The following DLST variants were observed in gnomAD, a reference collection of about 807,000 sequenced individuals.
DLST encodes dihydrolipoyllysine-residue succinyltransferase component of 2-oxoglutarate dehydrogenase complex, mitochondrial.
A neutral mutation model predicts 53.1 loss-of-function variants in DLST; 17 were observed. The observed-to-expected ratio is 0.32, with a 90% CI of 0.22 to 0.48. The LOEUF is 0.48. Among genes scored for constraint, DLST ranks in the 20% least tolerant of loss-of-function variants. DLST has a pLI of 0.99. For synonymous variants in DLST, 206 were observed against 204.8 expected (o/e 1.01, Z -0.05); for missense variants, 512 against 583.9 (o/e 0.88, Z 1.27).
chr14:74,902,417 G>C lies in DLST; in HGVS notation c.*87G>C. 6.8e-7 allele frequency: 1 copy of C among 1,467,420 alleles called. No individual in the cohort carries two copies. Among genetic ancestry groups the C allele is most frequent in the South Asian group, 1.5e-5 (1 of 68,786 alleles). 90.9% of individuals were successfully genotyped at this position (1,467,420 alleles called of 1,614,324 possible). A position where few individuals can be genotyped will look rare whatever the true frequency, so the allele number is the denominator to read the frequency against. ...CCCCTCATGGGTCCCGGGTTAGCCT[G>C]GTGACAGGCAGACACATGCTGTTGG... On this transcript the variant is annotated 3_prime_UTR_variant, in exon 15 of 15. Transcript: ENST00000334220.
At chr14:74,884,666 C>T (rs1376871712) in intron 2 of DLST, among the ~76,000 whole-genome samples, 1 of 152,090 alleles carries the variant, frequency 6.6e-6, no homozygotes, top group East Asian at 1.9e-4. Flanking sequence ...CAGTGTGAGC[C>T]GCCATCTATT....
In DLST at chr14:74,899,993, A is replaced by C; in HGVS notation, c.972A>C (p.Pro324=). The change falls in exon 12 of 15, where the codon CCA becomes CCC. Residue 324 remains proline (P), a synonymous_variant. Coordinates refer to ENST00000334220, the MANE Select transcript of DLST (RefSeq NM_001933.5). ...YIDISVAVAT[P]RGLVVPVIRN... The stretch of plus-strand genomic sequence containing the variant: ...ACATCAGTGTTGCAGTGGCCACCCC[A>C]CGGGTATGTTGGGGCAGGAGGTGGG... 6.2e-7 allele frequency: 1 copy of C among 1,613,124 alleles called. No individual in the cohort carries two copies. The highest frequency in any genetic ancestry group is 2.2e-5 in the East Asian group (1 of 44,878).
At chr14:74,885,953 C>T (rs1883688954) in intron 3 of DLST, 2 of 247,248 alleles carry the variant, frequency 8.1e-6, no homozygotes, top group Non-Finnish European at 1.6e-5. Context: ...GTAAGTGCAG[C>T]TGAAAGGCTC....
At position 74,889,289 on chromosome 14, in the gene DLST, A is replaced by G. The variant is rs141349679; in HGVS notation, c.214A>G (p.Thr72Ala). Residue 72 changes from threonine to alanine, a missense_variant, in exon 5 of 15, where the codon ACA (threonine) becomes GCA (alanine). Coordinates refer to ENST00000334220, the MANE Select transcript of DLST (RefSeq NM_001933.5). ...TTAVCKDDLV[T>A]VKTPAFAESV... Reference sequence around the variant, plus strand: ...ATTTTTCCTAGAGGATGACTTGGTTACAGTCAAAACCCCAGCGTTTGCAGA... The same window carrying G: ...ATTTTTCCTAGAGGATGACTTGGTTGCAGTCAAAACCCCAGCGTTTGCAGA... 4.3e-6 allele frequency: 7 copies of G among 1,612,742 alleles called. No individual in the cohort carries two copies. In the African/African-American group the frequency reaches 8.0e-5, roughly 18 times the overall value.
chr14:74,901,447 TAAAG>T (rs1271507037), intron 14 of DLST, among the ~76,000 whole-genome samples: 1 of 152,196 alleles, frequency 6.6e-6, no homozygotes, highest in Non-Finnish European at 1.5e-5. Context: ...ATCCCAGACT[TAAAG>T]AAGAAGTGCA....
rs1884286472 is a variant in DLST, at chr14:74,902,341, C to T, written c.*11C>T. On this transcript the variant is annotated 3_prime_UTR_variant, in exon 15 of 15. Coordinates refer to ENST00000334220, the MANE Select transcript of DLST (RefSeq NM_001933.5). ...CTCCTGGATCTTTAGGAGGAACCCA[C>T]ACACCCTACAAGTTGATCATGCAGG... 1.2e-6 allele frequency: 2 copies of T among 1,606,784 alleles called. No homozygotes were observed. Among genetic ancestry groups the T allele is most frequent in the Admixed American group, 1.7e-5 (1 of 59,818 alleles).
chr14:74,882,749 C>G, intron 2 of DLST, 125 bp downstream of exon 2: 1 of 818,420 alleles, frequency 1.2e-6, no homozygotes, highest in Non-Finnish European at 2.1e-6. Flanking sequence ...AGTAGTGAGA[C>G]GCAATGCTAC....
chr14:74,886,227 C>T (rs547058754), intron 3 of DLST, among the ~76,000 whole-genome samples: 14 of 152,336 alleles, frequency 9.2e-5, no homozygotes, highest in African/African-American at 3.4e-4. Context: ...CTCTAGTAAC[C>T]TGTTCAGCAG....
intron 12 of DLST, 97 bp downstream of exon 12, chr14:74,900,093 A>G (rs1278752057): frequency 5.7e-6 from 7 of 1,220,706 alleles, no homozygotes; most frequent in Non-Finnish European, 8.3e-6. Flanking sequence ...TTAATTCTGT[A>G]TTTTTAGAAG....
chr14:74,887,804 G>C (rs1251921327), intron 3 of DLST, among the ~76,000 whole-genome samples: 1 of 152,066 alleles, frequency 6.6e-6, no homozygotes, highest in Non-Finnish European at 1.5e-5. Flanking sequence ...AGAACAATTT[G>C]TATTCTTGTA....
chr14:74,900,423 C>A, intron 13 of DLST, 51 bp downstream of exon 13: 1 of 1,543,288 alleles, frequency 6.5e-7, no homozygotes, highest in Non-Finnish European at 9.0e-7. Context: ...GGAAGAGAGC[C>A]TTCAGAAGGC....
At position 74,903,375 on chromosome 14, in the gene DLST, T is replaced by G. The variant is rs1197468385; in HGVS notation, c.*1045T>G. The G allele has an allele frequency of 2.6e-5, 4 of 152,336 alleles. No individual in the cohort carries two copies. The highest frequency in any genetic ancestry group is 1.3e-4 in the Admixed American group (2 of 15,278). The allele number at this position is 152,336 out of a possible 1,614,324, so 9.4% of individuals were successfully genotyped here. On this transcript the variant is annotated 3_prime_UTR_variant, in exon 15 of 15. Transcript: ENST00000334220. ...GGACACAGATCTGGAGGACGTGGAC[T>G]GGGGTAGGAAACCACCCTGAGGGTG...
rs1034283758 is a variant in DLST at position 74,882,726 on chromosome 14, GTT to G, written c.97+104_97+105del. 8 of 1,110,034 alleles carry G rather than the reference GTT, an allele frequency of 7.2e-6. No homozygotes were observed. In the African/African-American group the frequency reaches 1.2e-4, roughly 17 times the overall value. 68.8% of individuals were successfully genotyped at this position (1,110,034 alleles called of 1,614,324 possible). On this transcript the variant is annotated intron_variant, in intron 2 of 14. Transcript: ENST00000334220. ...GTGTTTCTCATAATATTTAAAGACAGTTTGGTTCAGAGAGTAGTGAGACGCAA... is the reference window on the plus strand; with the variant it reads ...GTGTTTCTCATAATATTTAAAGACAGTGGTTCAGAGAGTAGTGAGACGCAA...
chr14:74,884,387 C>T (rs1049219154), intron 2 of DLST, among the ~76,000 whole-genome samples: 4 of 152,176 alleles, frequency 2.6e-5, no homozygotes, highest in Non-Finnish European at 5.9e-5. Context: ...TTCTCCACTT[C>T]ATAGGTGGGC....
Position 74,885,626 on chromosome 14 carries a change from G to C in DLST, c.138G>C (p.Arg46Ser). ...LCQGPGYPNS[R>S]KVVINNSVFS... is the part of the protein sequence containing the mutation. ...AGGGACCAGGTTACCCTAACAGCAG[G>C]AAGGTTGTGTAAGTATCACTGGGGA... Residue 46 changes from arginine to serine, a missense_variant, in exon 3 of 15, where the codon AGG (arginine) becomes AGC (serine). Physicochemically the swap from Arg to Ser is moderately radical, Grantham distance 110. Around this residue, in one of 4 missense-constraint regions of DLST, gnomAD observed 129 missense variants for 90.9 expected, o/e 1.42. Coordinates refer to ENST00000334220, the MANE Select transcript of DLST (RefSeq NM_001933.5). 1.2e-6 allele frequency: 2 copies of C among 1,613,456 alleles called. No individual in the cohort carries two copies. Among genetic ancestry groups the C allele is most frequent in the Non-Finnish European group, 1.7e-6 (2 of 1,179,666 alleles).
At position 74,891,057 on chromosome 14, in the gene DLST, C is replaced by G. The variant is rs1297094758; in HGVS notation, c.332C>G (p.Thr111Arg). ...EVVCEIETDKTSVQVPSPANG... is the reference protein window; with the variant it reads ...EVVCEIETDKRSVQVPSPANG... ...CCTCCATCTGTCTTCCTCTTCCAGA[C>G]ATCTGTGCAGGTTCCATCACCAGCA... The change falls in exon 7 of 15, where the codon ACA becomes AGA. Residue 111 changes from threonine to arginine, a missense_variant and splice_region_variant. Physicochemically the swap from Thr to Arg is moderately conservative, Grantham distance 71. Around this residue, in one of 4 missense-constraint regions of DLST, gnomAD observed 35 missense variants for 70.5 expected, o/e 0.50. Transcript: ENST00000334220. 1 of 1,610,188 alleles carries G rather than the reference C, an allele frequency of 6.2e-7. No individual in the cohort carries two copies. The highest frequency in any genetic ancestry group is 8.5e-7 in the Non-Finnish European group (1 of 1,177,708).
In DLST at chr14:74,894,386, A is replaced by G; in HGVS notation, c.747A>G (p.Thr249=). ...CCCAGAATACATGTGCAATGCTGAC[A>G]ACTTTTAATGAGATTGACATGAGGT... The part of the protein sequence containing the change: ...KEAQNTCAML[T]TFNEIDMSNI... The change falls in exon 10 of 15, where the codon ACA becomes ACG. Residue 249 remains threonine, a synonymous_variant. Coordinates refer to ENST00000334220, the MANE Select transcript of DLST (RefSeq NM_001933.5). 1 of 1,614,178 alleles carries G rather than the reference A, an allele frequency of 6.2e-7. No homozygotes were observed.
At chr14:74,891,236 G>A (rs1166530750) in intron 7 of DLST, 69 bp downstream of exon 7, 14 of 1,602,588 alleles carry the variant, frequency 8.7e-6, no homozygotes, top group African/African-American at 1.3e-5. Flanking sequence ...AGCATAATGT[G>A]CTAATTCCCC....
intron 10 of DLST, among the ~76,000 whole-genome samples, chr14:74,897,208 C>T (rs965185262): frequency 3.9e-5 from 6 of 152,168 alleles, no homozygotes; most frequent in Non-Finnish European, 8.8e-5. Context: ...ATCAGGAAAA[C>T]AAGCATTTTA....
Sources: allele counts gnomAD v4.1 joint callset (sites outside exome capture counted in the v4.1 genomes callset), GRCh38; gene constraint gnomAD v4.1.1; regional missense constraint gnomAD v4.1.1; transcripts MANE v1.5; gene names NCBI Gene and HGNC (gene_info 2026-07-23, HGNC 2026-07-21).